The following NUP37 variants were observed in gnomAD, a reference collection of about 807,000 sequenced individuals.
NUP37 encodes nucleoporin Nup37.
In NUP37, 33 loss-of-function variants were observed where a neutral mutation model predicts 45.4. That is an observed-to-expected ratio of 0.73 (90% confidence interval 0.55 to 0.97). NUP37 has a LOEUF of 0.97. Among genes scored for constraint, NUP37 ranks in the 50% least tolerant of loss-of-function variants. The probability of loss-of-function intolerance (pLI) is 0.00; values close to 1 mark genes in which losing one functional copy is unlikely to be tolerated. For missense variants in NUP37, 365 were observed against 389.7 expected (o/e 0.94, Z 0.53); for synonymous variants, 127 against 130.7 (o/e 0.97, Z 0.19).
At position 102,101,112 on chromosome 12, in the gene NUP37, CA is replaced by C; in HGVS notation, c.282-9del. On this transcript the variant is annotated splice_polypyrimidine_tract_variant and intron_variant, in intron 3 of 9. Transcript: ENST00000552283. The stretch of plus-strand genomic sequence containing the variant: ...GCAGCTGAAGTACAAAATCTGGAAG[CA>C]AAAAAACAAAAATATACCAATTTTT... The C allele has an allele frequency of 4.6e-6, 7 of 1,524,612 alleles. No homozygotes were observed. Among genetic ancestry groups the C allele is most frequent in the South Asian group, 2.5e-5 (2 of 80,620 alleles). 94.4% of individuals were successfully genotyped at this position (1,524,612 alleles called of 1,614,324 possible).
chr12:102,105,539 C>G (rs1332545515), intron 3 of NUP37, among the ~76,000 whole-genome samples: 1 of 149,930 alleles, frequency 6.7e-6, no homozygotes, highest in Non-Finnish European at 1.5e-5. Context: ...TCAACAACAA[C>G]AAGAATTCCG....
At chr12:102,080,179 A>G (rs1292997281) in intron 6 of NUP37, among the ~76,000 whole-genome samples, 1 of 152,270 alleles carries the variant, frequency 6.6e-6, no homozygotes, top group Non-Finnish European at 1.5e-5. Context: ...AAAATGCTCT[A>G]GAGTACAAAA....
chr12:102,105,702 A>C (rs1222596390), intron 3 of NUP37, among the ~76,000 whole-genome samples: 1 of 151,716 alleles, frequency 6.6e-6, no homozygotes, highest in Non-Finnish European at 1.5e-5. Flanking sequence ...CTCTACTAAA[A>C]ACACAAAAAT....
intron 2 of NUP37, among the ~76,000 whole-genome samples, chr12:102,115,466 A>G (rs1315748544): frequency 6.6e-6 from 1 of 152,244 alleles, no homozygotes; most frequent in African/African-American, 2.4e-5. Flanking sequence ...GCAAGCATAT[A>G]TGTTCATGCT....
chr12:102,079,158 C>T (rs1207506021), intron 6 of NUP37: 2 of 451,018 alleles, frequency 4.4e-6, no homozygotes, highest in Non-Finnish European at 8.9e-6. Context: ...GATTTGGCAT[C>T]AAAACTCCTG....
chr12:102,116,501 T>A (rs1267229007), intron 2 of NUP37, among the ~76,000 whole-genome samples: 1 of 152,170 alleles, frequency 6.6e-6, no homozygotes, highest in Non-Finnish European at 1.5e-5. Flanking sequence ...TAGGGTCATA[T>A]TTAGTCTAAA....
intron 3 of NUP37, among the ~76,000 whole-genome samples, chr12:102,103,095 A>G (rs1411082691): frequency 6.6e-6 from 1 of 152,158 alleles, no homozygotes; most frequent in Non-Finnish European, 1.5e-5. Context: ...ATAATTTCAT[A>G]TAAATTTTTT....
Position 102,074,387 on chromosome 12 carries a change from G to T in NUP37, c.948C>A (p.Asp316Glu), listed in dbSNP as rs374470945. The T allele has an allele frequency of 7.0e-5, 113 of 1,612,750 alleles. No homozygotes were observed. Among genetic ancestry groups the T allele is most frequent in the Non-Finnish European group, 8.5e-5 (100 of 1,179,234 alleles). ...CAGTCACCCAAAACAACAGCTTGTG[G>T]TCTCCTCCAATTACACACAGAGGGA... Reference protein sequence around the residue: ...RTLPLCVIGGDHKLLFWVTEV With the variant: ...RTLPLCVIGGEHKLLFWVTEV Residue 316 changes from aspartate to glutamate, a missense_variant, in exon 10 of 10, where the codon GAC becomes GAA. Coordinates refer to ENST00000552283, the MANE Select transcript of NUP37 (RefSeq NM_024057.4).
At chr12:102,081,140 A>G (rs1472869560) in intron 6 of NUP37, among the ~76,000 whole-genome samples, 1 of 152,192 alleles carries the variant, frequency 6.6e-6, no homozygotes, top group East Asian at 1.9e-4. Flanking sequence ...ACTTGATAGG[A>G]CTATTGGGAG....
At chr12:102,096,959 C>T (rs1289472627) in intron 5 of NUP37, among the ~76,000 whole-genome samples, 1 of 151,732 alleles carries the variant, frequency 6.6e-6, no homozygotes, top group Non-Finnish European at 1.5e-5. Flanking sequence ...GTGCATCAAC[C>T]CGAAAATCTC....
intron 8 of NUP37, among the ~76,000 whole-genome samples, chr12:102,076,566 G>A (rs1036850952): frequency 7.2e-5 from 11 of 152,150 alleles, no homozygotes; most frequent in Admixed American, 7.2e-4. Flanking sequence ...GGTAGTGGTG[G>A]AGTGGTTACA....
chr12:102,100,620 G>A (rs1324494226), intron 4 of NUP37, among the ~76,000 whole-genome samples: 1 of 152,136 alleles, frequency 6.6e-6, no homozygotes, highest in African/African-American at 2.4e-5. Context: ...TAAATGCAAG[G>A]AATCTGGCTT....
intron 3 of NUP37, among the ~76,000 whole-genome samples, chr12:102,110,696 G>A (rs529392303): frequency 6.6e-6 from 1 of 152,088 alleles, no homozygotes; most frequent in East Asian, 1.9e-4. Flanking sequence ...ACCAAAATTA[G>A]CCAGGCATGA....
At chr12:102,085,121 C>CAAAT (rs1308802573) in intron 6 of NUP37, among the ~76,000 whole-genome samples, 4 of 151,910 alleles carry the variant, frequency 2.6e-5, no homozygotes, top group Non-Finnish European at 5.9e-5. Flanking sequence ...AACAAACAAA[C>CAAAT]AAAAAACTGC....
At chr12:102,104,792 T>C (rs928949853) in intron 3 of NUP37, among the ~76,000 whole-genome samples, 3 of 152,258 alleles carry the variant, frequency 2.0e-5, no homozygotes, top group African/African-American at 7.2e-5. Flanking sequence ...TTCCACTCTG[T>C]TCCATTGGTC....
intron 5 of NUP37, among the ~76,000 whole-genome samples, chr12:102,087,744 A>C (rs996494973): frequency 3.3e-5 from 5 of 152,192 alleles, no homozygotes; most frequent in African/African-American, 1.2e-4. Context: ...CATTCTTTTG[A>C]TCTTATTCTA....
chr12:102,110,290 G>A (rs1183039752), intron 3 of NUP37, among the ~76,000 whole-genome samples: 1 of 151,884 alleles, frequency 6.6e-6, no homozygotes. Context: ...GCTCGAGCCT[G>A]GGTGCTCGAG....
At chr12:102,089,261 C>T (rs1330579836) in intron 5 of NUP37, among the ~76,000 whole-genome samples, 1 of 152,208 alleles carries the variant, frequency 6.6e-6, no homozygotes, top group East Asian at 1.9e-4. Flanking sequence ...AAGGCTGTCA[C>T]TTCACACTTG....
At chr12:102,107,793 C>A (rs569097095) in intron 3 of NUP37, among the ~76,000 whole-genome samples, 17 of 152,152 alleles carry the variant, frequency 1.1e-4, no homozygotes, top group African/African-American at 4.1e-4. Context: ...AGTTCATAAG[C>A]AGGCAAAATT....
Sources: gnomAD v4.1 joint callset for allele counts (sites outside exome capture counted in the v4.1 genomes callset) on GRCh38, gnomAD v4.1.1 for gene constraint, MANE v1.5 for transcripts, NCBI Gene and HGNC (gene_info 2026-07-23, HGNC 2026-07-21) for gene names.